The following TMEM132D variants were observed in gnomAD, a reference collection of about 807,000 sequenced individuals.
The protein encoded by TMEM132D is mature OL transmembrane protein.
In TMEM132D, 21 loss-of-function variants were observed where a neutral mutation model predicts 62.3. The ratio of observed to expected loss-of-function variants is 0.34; its 90% confidence interval spans 0.24 to 0.49. The LOEUF (loss-of-function observed/expected upper bound fraction) is 0.49. TMEM132D is among the 20% of genes least tolerant of loss of function. TMEM132D has a pLI of 0.99. For synonymous variants in TMEM132D, 621 were observed against 575.6 expected (o/e 1.08, Z -1.13); for missense variants, 1,346 against 1,402.8 (o/e 0.96, Z 0.65).
At chr12:129,311,967 G>A (rs1881987422) in intron 4 of TMEM132D, among the ~76,000 whole-genome samples, 1 of 152,172 alleles carries the variant, frequency 6.6e-6, no homozygotes, top group African/African-American at 2.4e-5. Context: ...TATTCTAAGT[G>A]TGGACGCAAT....
chr12:129,890,297 G>A (rs1874879328), intron 1 of TMEM132D, among the ~76,000 whole-genome samples: 1 of 152,194 alleles, frequency 6.6e-6, no homozygotes, highest in Non-Finnish European at 1.5e-5. Context: ...GATCCGCCCT[G>A]CTTACATATT....
At chr12:129,197,403 C>CACCCCAAAAA (rs2135559349) in intron 5 of TMEM132D, among the ~76,000 whole-genome samples, 1 of 152,294 alleles carries the variant, frequency 6.6e-6, no homozygotes, top group Non-Finnish European at 1.5e-5. Flanking sequence ...TCAGAACTCT[C>CACCCCAAAAA]TGTGTCTCAA....
chr12:129,375,196 A>T (rs1214683134), intron 3 of TMEM132D, among the ~76,000 whole-genome samples: 3 of 152,262 alleles, frequency 2.0e-5, no homozygotes, highest in Non-Finnish European at 2.9e-5. Flanking sequence ...GGAGATGATA[A>T]ATCAACATCA....
intron 3 of TMEM132D, among the ~76,000 whole-genome samples, chr12:129,451,045 A>G (rs1244718457): frequency 6.6e-6 from 1 of 152,030 alleles, no homozygotes; most frequent in Non-Finnish European, 1.5e-5. Flanking sequence ...TACAGGCGTG[A>G]GCCACCGCGC....
At chr12:129,535,773 TGTGC>T (rs1555263425) in intron 2 of TMEM132D, among the ~76,000 whole-genome samples, 25 of 86,940 alleles carry the variant, frequency 2.9e-4, no homozygotes, top group African/African-American at 1.1e-3. Context: ...TTAAGATTTG[TGTGC>T]GTGTGTGTGT....
At chr12:129,327,616 T>C (rs1868958403) in intron 4 of TMEM132D, among the ~76,000 whole-genome samples, 2 of 152,170 alleles carry the variant, frequency 1.3e-5, no homozygotes, top group Non-Finnish European at 2.9e-5. Context: ...ACACACTCCT[T>C]GTCCAGTCTA....
chr12:129,137,214 T>C (rs1264355975), intron 5 of TMEM132D, among the ~76,000 whole-genome samples: 1 of 151,066 alleles, frequency 6.6e-6, no homozygotes, highest in African/African-American at 2.4e-5. Flanking sequence ...ATCACCATCA[T>C]CATCATCACC....
intron 3 of TMEM132D, among the ~76,000 whole-genome samples, chr12:129,509,575 C>G (rs1356341215): frequency 6.6e-6 from 1 of 152,094 alleles, no homozygotes; most frequent in East Asian, 1.9e-4. Context: ...CTTATTCATT[C>G]TTTCTATTTT....
intron 1 of TMEM132D, among the ~76,000 whole-genome samples, chr12:129,795,051 T>G (rs892590642): frequency 6.6e-5 from 10 of 152,110 alleles, no homozygotes; most frequent in African/African-American, 2.4e-4. Flanking sequence ...TTTAATACTT[T>G]TTAATATTGA....
chr12:129,452,780 G>A (rs186996079), intron 3 of TMEM132D, among the ~76,000 whole-genome samples: 35 of 152,272 alleles, frequency 2.3e-4, no homozygotes, highest in Admixed American at 5.9e-4. Context: ...TGCCAATTTC[G>A]TCTGATTTAC....
chr12:129,248,698 G>T (rs1880187740), intron 4 of TMEM132D, among the ~76,000 whole-genome samples: 1 of 151,886 alleles, frequency 6.6e-6, no homozygotes. Flanking sequence ...TTCCCAATTT[G>T]CTCCCCCGCT....
At chr12:129,792,605 C>T (rs1264132448) in intron 1 of TMEM132D, among the ~76,000 whole-genome samples, 1 of 152,168 alleles carries the variant, frequency 6.6e-6, no homozygotes, top group Non-Finnish European at 1.5e-5. Flanking sequence ...GACGGTCAGG[C>T]AATACATACA....
intron 3 of TMEM132D, among the ~76,000 whole-genome samples, chr12:129,420,313 T>TTTTTG (rs1566063087): frequency 2.4e-4 from 14 of 57,654 alleles, no homozygotes; most frequent in African/African-American, 7.0e-4. Flanking sequence ...TCTGTTTTTT[T>TTTTTG]TTTTTTTTTT....
chr12:129,637,676 TG>T (rs1208637069), intron 2 of TMEM132D, among the ~76,000 whole-genome samples: 1 of 152,284 alleles, frequency 6.6e-6, no homozygotes, highest in African/African-American at 2.4e-5. Flanking sequence ...AGAAGTTTAA[TG>T]GCCTCATGGT....
intron 2 of TMEM132D, among the ~76,000 whole-genome samples, chr12:129,678,839 T>G (rs1314547865): frequency 6.6e-6 from 1 of 152,088 alleles, no homozygotes; most frequent in African/African-American, 2.4e-5. Flanking sequence ...TTTTTCTCAT[T>G]TGGATAATTA....
chr12:129,123,100 A>C (rs1367433832), intron 5 of TMEM132D, among the ~76,000 whole-genome samples: 1 of 152,208 alleles, frequency 6.6e-6, no homozygotes, highest in East Asian at 1.9e-4. Flanking sequence ...ACTATCAATA[A>C]TAAAAAATAA....
intron 5 of TMEM132D, among the ~76,000 whole-genome samples, chr12:129,146,144 T>C (rs1001243665): frequency 1.3e-5 from 2 of 152,156 alleles, no homozygotes; most frequent in South Asian, 2.1e-4. Context: ...CAGTCTATCA[T>C]GTTATTATTA....
chr12:129,692,934 C>T (rs781469553), intron 2 of TMEM132D, among the ~76,000 whole-genome samples: 12 of 152,062 alleles, frequency 7.9e-5, no homozygotes, highest in African/African-American at 1.9e-4. Context: ...CAAACCACCA[C>T]GGCACACGTT....
intron 2 of TMEM132D, among the ~76,000 whole-genome samples, chr12:129,670,138 C>T (rs2137198968): frequency 6.6e-6 from 1 of 152,294 alleles, no homozygotes; most frequent in Non-Finnish European, 1.5e-5. Flanking sequence ...AGAGATCTAA[C>T]TTAACCGACT....
Sources: allele counts gnomAD v4.1 joint callset (sites outside exome capture counted in the v4.1 genomes callset), GRCh38; gene constraint gnomAD v4.1.1; transcripts MANE v1.5; gene names NCBI Gene and HGNC (gene_info 2026-07-23, HGNC 2026-07-21).